Variants in LOC400499 observed in about 807,000 individuals in gnomAD.
chr16:11,491,270 A>G, the LOC400499 span, among the ~76,000 whole-genome samples: 3 of 152,126 alleles, frequency 2.0e-5, no homozygotes, highest in Admixed American at 1.3e-4. Flanking sequence ...TTGAATTTAC[A>G]TCTTTGCGTT....
the LOC400499 span, chr16:11,478,592 T>TG: frequency 2.5e-6 from 1 of 399,070 alleles, no homozygotes; most frequent in Non-Finnish European, 4.4e-6. Flanking sequence ...TGACTCCCCG[T>TG]GGCCCCGCAG....
At chr16:11,465,987 G>A in the LOC400499 span, among the ~76,000 whole-genome samples, 3 of 152,226 alleles carry the variant, frequency 2.0e-5, no homozygotes, top group Non-Finnish European at 4.4e-5. Context: ...TTACTCTGCA[G>A]AGAGAATGGT....
chr16:11,500,819 C>G, the LOC400499 span: 2 of 398,972 alleles, frequency 5.0e-6, no homozygotes, highest in Admixed American at 4.4e-5. Context: ...GCATGTGGAC[C>G]ATAGCATCTG....
At chr16:11,460,868 T>C in the LOC400499 span, 11 of 1,401,742 alleles carry the variant, frequency 7.8e-6, no homozygotes, top group Non-Finnish European at 1.0e-5. Flanking sequence ...AACCCCGTGG[T>C]GACAGCGTAT....
At chr16:11,503,395 T>C in the LOC400499 span, among the ~76,000 whole-genome samples, 1 of 152,146 alleles carries the variant, frequency 6.6e-6, no homozygotes, top group Non-Finnish European at 1.5e-5. Context: ...CTGGTACCCC[T>C]GAAGTCTCAG....
At chr16:11,382,742 G>A in the LOC400499 span, among the ~76,000 whole-genome samples, 1 of 152,108 alleles carries the variant, frequency 6.6e-6, no homozygotes, top group Non-Finnish European at 1.5e-5. Flanking sequence ...CCCAGGAGGT[G>A]GAAGTTGCAG....
the LOC400499 span, among the ~76,000 whole-genome samples, chr16:11,464,487 C>G: frequency 2.0e-5 from 3 of 152,230 alleles, no homozygotes; most frequent in Admixed American, 6.5e-5. Context: ...TCCAGGCAAC[C>G]CACGACCCAA....
the LOC400499 span, chr16:11,387,144 G>C: frequency 8.1e-7 from 1 of 1,232,322 alleles, no homozygotes; most frequent in Non-Finnish European, 1.0e-6. Context: ...CGGCGTCTGA[G>C]CCAGTAGTAC....
the LOC400499 span, among the ~76,000 whole-genome samples, chr16:11,384,644 A>C: frequency 6.6e-6 from 1 of 152,128 alleles, no homozygotes; most frequent in Non-Finnish European, 1.5e-5. Flanking sequence ...GGCCAACTCC[A>C]CACTGGAGCC....
chr16:11,428,263 C>G, the LOC400499 span, among the ~76,000 whole-genome samples: 285 of 152,260 alleles, frequency 1.9e-3, 1 homozygote, highest in African/African-American at 6.6e-3. Context: ...CCTCCACCTT[C>G]CAGGTTCAAG....
At chr16:11,526,061 A>G in the LOC400499 span, among the ~76,000 whole-genome samples, 4 of 152,174 alleles carry the variant, frequency 2.6e-5, no homozygotes, top group African/African-American at 9.7e-5. Flanking sequence ...AACCAACACA[A>G]TTTACCAAGT....
chr16:11,508,885 C>T, the LOC400499 span: 1 of 398,946 alleles, frequency 2.5e-6, no homozygotes, highest in Non-Finnish European at 4.4e-6. Flanking sequence ...ATGGGATGAC[C>T]ATATGGGGAA....
At chr16:11,493,616 C>T in the LOC400499 span, 2 of 396,640 alleles carry the variant, frequency 5.0e-6, no homozygotes, top group South Asian at 1.3e-4. Flanking sequence ...CCAACCCCAA[C>T]CCCATGAAAC....
the LOC400499 span, among the ~76,000 whole-genome samples, chr16:11,493,035 T>C: frequency 1.3e-5 from 2 of 151,674 alleles, no homozygotes; most frequent in East Asian, 3.9e-4. Flanking sequence ...GTCACAAGTG[T>C]TTGAGGAAGA....
chr16:11,447,807 C>G, the LOC400499 span: 2 of 1,293,820 alleles, frequency 1.5e-6, no homozygotes, highest in Admixed American at 3.2e-5. Context: ...TAGGTTCCAT[C>G]TGGGCCCCAG....
chr16:11,425,590 G>C, the LOC400499 span, among the ~76,000 whole-genome samples: 1 of 152,178 alleles, frequency 6.6e-6, no homozygotes, highest in South Asian at 2.1e-4. Context: ...AAATCCATCA[G>C]AGTACACCAG....
At chr16:11,481,295 A>G in the LOC400499 span, among the ~76,000 whole-genome samples, 37,713 of 152,126 alleles carry the variant, frequency 0.25, 4,967 homozygotes, top group African/African-American at 0.33. Context: ...GTGGCACAAC[A>G]TGGTGAATGT....
the LOC400499 span, among the ~76,000 whole-genome samples, chr16:11,515,768 GGGA>G: frequency 1.7e-4 from 26 of 151,350 alleles, no homozygotes; most frequent in African/African-American, 6.1e-4. Context: ...AGGAGAAAAA[GGGA>G]GGAGGAGGAG....
At chr16:11,372,834 C>A in the LOC400499 span, 1 of 416,106 alleles carries the variant, frequency 2.4e-6, no homozygotes, top group Non-Finnish European at 3.2e-6. Context: ...GGCCCCTGGC[C>A]TTCATTATTA....
Sources: allele counts gnomAD v4.1 joint callset (sites outside exome capture counted in the v4.1 genomes callset), GRCh38; gene constraint gnomAD v4.1.1; transcripts MANE v1.5.